Variants in NUP37 observed in about 807,000 individuals in gnomAD.
NUP37 encodes nucleoporin 37.
Under a neutral mutation model 45.4 loss-of-function variants are expected in NUP37, and 33 were observed. That is an observed-to-expected ratio of 0.73 (90% CI 0.55 to 0.97). The LOEUF (loss-of-function observed/expected upper bound fraction) is 0.97, where lower values mean the gene tolerates loss of function less well. Ranked by LOEUF, NUP37 falls within the 50% of genes least tolerant of loss-of-function variation. The probability of loss-of-function intolerance (pLI) is 0.00; values close to 1 mark genes in which losing one functional copy is unlikely to be tolerated. For synonymous variants in NUP37, 127 were observed against 130.7 expected (o/e 0.97, Z 0.19); for missense variants, 365 against 389.7 (o/e 0.94, Z 0.53).
intron 5 of NUP37, among the ~76,000 whole-genome samples, chr12:102,089,433 G>A (rs1235778221): frequency 4.7e-5 from 6 of 126,964 alleles, no homozygotes; most frequent in Non-Finnish European, 9.8e-5. Flanking sequence ...CACTTCCGAG[G>A]CACTCCTCAC....
At position 102,080,790 on chromosome 12, in the gene NUP37, G is replaced by C. The variant is rs142719568; in HGVS notation, c.541-3287C>G. Among the ~76,000 whole-genome samples the C allele has an allele frequency of 5.9e-3, 899 of 152,306 alleles. 11 individuals carry two copies. The highest frequency in any genetic ancestry group is 0.02 in the African/African-American group (843 of 41,556). On this transcript the variant is annotated intron_variant, in intron 6 of 9. Coordinates refer to ENST00000552283, the MANE Select transcript of NUP37 (RefSeq NM_024057.4). ...TGAAGACTGGTGAGTGGTCTAGTGTGCTATAGTATGCAGTGGGGAAGGATC... is the reference window on the plus strand; with the variant it reads ...TGAAGACTGGTGAGTGGTCTAGTGTCCTATAGTATGCAGTGGGGAAGGATC...
At chr12:102,076,342 A>C (rs1879166099) in intron 8 of NUP37, among the ~76,000 whole-genome samples, 1 of 152,212 alleles carries the variant, frequency 6.6e-6, no homozygotes, top group Non-Finnish European at 1.5e-5. Context: ...TAAGGACCAC[A>C]CTATACAATG....
Position 102,074,433 on chromosome 12 carries a change from C to A in NUP37, c.902G>T (p.Gly301Val). Residue 301 changes from glycine (G) to valine (V), a missense_variant, in exon 10 of 10, where the codon GGA becomes GTA. Coordinates refer to ENST00000552283, the MANE Select transcript of NUP37 (RefSeq NM_024057.4). Reference sequence around the variant, plus strand: ...AGGGAGAGTTCGATGCCAGGACAGTCCAGATCCAACGGCTACAGAACCCAT... The same window carrying A: ...AGGGAGAGTTCGATGCCAGGACAGTACAGATCCAACGGCTACAGAACCCAT... The part of the protein sequence containing the change: ...ILMGSVAVGS[G>V]LSWHRTLPLC... 6.2e-7 allele frequency: 1 copy of A among 1,611,296 alleles called. No homozygotes were observed. The highest frequency in any genetic ancestry group is 8.5e-7 in the Non-Finnish European group (1 of 1,178,342).
chr12:102,112,097 G>A lies in NUP37; in HGVS notation c.281+11C>T. 1 of 1,612,846 alleles carries A rather than the reference G, an allele frequency of 6.2e-7. No individual in the cohort carries two copies. Among genetic ancestry groups the A allele is most frequent in the East Asian group, 2.2e-5 (1 of 44,826 alleles). ...ATTAGTAAGGAATGCATTTGGTACT[G>A]TTAAACTTACTTGATTACTGGAGGC... On this transcript the variant is annotated intron_variant, in intron 3 of 9. Transcript: ENST00000552283.
intron 3 of NUP37, among the ~76,000 whole-genome samples, chr12:102,107,325 C>T (rs1310420041): frequency 6.6e-6 from 1 of 152,102 alleles, no homozygotes; most frequent in African/African-American, 2.4e-5. Flanking sequence ...CAGAACTTTG[C>T]CCAATTTAGT....
At chr12:102,074,902 C>A (rs1291272864) in intron 9 of NUP37, 99 bp downstream of exon 9, 2 of 603,858 alleles carry the variant, frequency 3.3e-6, no homozygotes, top group Non-Finnish European at 5.6e-6. Flanking sequence ...TAAATGTCTT[C>A]AGTCAACAAA....
At chr12:102,083,737 G>A (rs184952557) in intron 6 of NUP37, among the ~76,000 whole-genome samples, 14 of 152,286 alleles carry the variant, frequency 9.2e-5, no homozygotes, top group Non-Finnish European at 1.5e-5. Context: ...TAAAGAAAAA[G>A]GGAACATATA....
chr12:102,085,091 C>T (rs1173208599), intron 6 of NUP37, among the ~76,000 whole-genome samples: 1 of 152,072 alleles, frequency 6.6e-6, no homozygotes, highest in Non-Finnish European at 1.5e-5. Flanking sequence ...GATGATGTAA[C>T]TTAAAACAAA....
At chr12:102,090,465 A>C (rs1488852915) in intron 5 of NUP37, among the ~76,000 whole-genome samples, 1 of 152,090 alleles carries the variant, frequency 6.6e-6, no homozygotes, top group African/African-American at 2.4e-5. Flanking sequence ...TGCTTAGCAA[A>C]CCACTGGTTG....
chr12:102,077,617 G>T, intron 6 of NUP37, 114 bp from the exon 7 acceptor site: 1 of 1,030,988 alleles, frequency 9.7e-7, no homozygotes, highest in South Asian at 1.7e-5. Flanking sequence ...CAATATACAG[G>T]TTCAGCATTC....
At chr12:102,105,128 T>A (rs969499364) in intron 3 of NUP37, among the ~76,000 whole-genome samples, 2 of 152,244 alleles carry the variant, frequency 1.3e-5, no homozygotes, top group Non-Finnish European at 2.9e-5. Flanking sequence ...TTGTAGCTTT[T>A]AGTCTTTGGC....
intron 6 of NUP37, among the ~76,000 whole-genome samples, chr12:102,084,688 G>A (rs1385092607): frequency 6.6e-6 from 1 of 151,240 alleles, no homozygotes; most frequent in Non-Finnish European, 1.5e-5. Flanking sequence ...TCCAGCCTGG[G>A]TGACAGCCAG....
At chr12:102,106,164 C>T (rs1012097643) in intron 3 of NUP37, among the ~76,000 whole-genome samples, 6 of 152,088 alleles carry the variant, frequency 3.9e-5, no homozygotes, top group African/African-American at 1.4e-4. Context: ...ATGGATTCTC[C>T]CTCAGAGCCT....
chr12:102,074,726 T>C, intron 9 of NUP37: 1 of 436,548 alleles, frequency 2.3e-6, no homozygotes, highest in Non-Finnish European at 4.0e-6. Context: ...AATTAATGTA[T>C]TTAAATAAAG....
chr12:102,112,723 A>T (rs964708797), intron 2 of NUP37, among the ~76,000 whole-genome samples: 1 of 152,106 alleles, frequency 6.6e-6, no homozygotes, highest in Non-Finnish European at 1.5e-5. Flanking sequence ...TTATCTACTG[A>T]CAATATTAAA....
chr12:102,088,836 T>TTCCTAGGCAGAGG lies in NUP37; in HGVS notation c.450-2993_450-2981dup, dbSNP rs529634005. The stretch of plus-strand genomic sequence containing the variant: ...AACACGTGAACAAAGGTCTCTGGTT[T>TTCCTAGGCAGAGG]TCCTAGGCAGAGGTCCCTGCGGCCT... On this transcript the variant is annotated intron_variant, in intron 5 of 9. Transcript: ENST00000552283. Among the ~76,000 whole-genome samples, 698 of 152,106 alleles carry TTCCTAGGCAGAGG rather than the reference T, an allele frequency of 4.6e-3. 5 individuals carry two copies. Among genetic ancestry groups the TTCCTAGGCAGAGG allele is most frequent in the African/African-American group, 0.016 (663 of 41,484 alleles).
At chr12:102,087,608 T>C (rs549368542) in intron 5 of NUP37, among the ~76,000 whole-genome samples, 1 of 152,224 alleles carries the variant, frequency 6.6e-6, no homozygotes, top group South Asian at 2.1e-4. Context: ...ACTGATCAAG[T>C]ATTTCTTCTC....
At chr12:102,084,121 G>A (rs1879404380) in intron 6 of NUP37, among the ~76,000 whole-genome samples, 1 of 152,208 alleles carries the variant, frequency 6.6e-6, no homozygotes, top group South Asian at 2.1e-4. Context: ...CTTCCACTTA[G>A]TAGCTGTGTG....
At chr12:102,117,178 G>A (rs985849074) in intron 2 of NUP37, among the ~76,000 whole-genome samples, 14 of 152,230 alleles carry the variant, frequency 9.2e-5, no homozygotes, top group African/African-American at 2.6e-4. Context: ...TGCTAGGCCA[G>A]GCAGGGTGGC....
Sources: gnomAD v4.1 joint callset for allele counts (sites outside exome capture counted in the v4.1 genomes callset) on GRCh38, gnomAD v4.1.1 for gene constraint, MANE v1.5 for transcripts, NCBI Gene and HGNC (gene_info 2026-07-23, HGNC 2026-07-21) for gene names.